The following TRIM48 variants were observed in gnomAD, a reference collection of about 807,000 sequenced individuals.
TRIM48 encodes E3 ubiquitin-protein ligase TRIM48.
Under a neutral mutation model 29.5 loss-of-function variants are expected in TRIM48, and 31 were observed. That is an observed-to-expected ratio of 1.05 (90% CI 0.79 to 1.42). TRIM48 has a LOEUF of 1.42. Ranked by LOEUF, TRIM48 falls within the 40% of genes most tolerant of loss-of-function variation. The probability of loss-of-function intolerance (pLI) is 0.00; values close to 1 mark genes in which losing one functional copy is unlikely to be tolerated. For missense variants in TRIM48, 344 were observed against 265.0 expected (o/e 1.30, Z -2.07); for synonymous variants, 128 against 90.6 (o/e 1.41, Z -2.34).
rs1857395457 is a variant in TRIM48, at chr11:55,266,533, TG to T, written c.555+839del. ...CAAAAATGGTCAACATGCAAATATG[TG>T]CAATACATGATGTGTTCGAGTGTGG... On this transcript the variant is annotated intron_variant, in intron 3 of 5. Coordinates refer to ENST00000417545, the MANE Select transcript of TRIM48 (RefSeq NM_024114.5). Among the ~76,000 whole-genome samples, 5 of 147,518 alleles carry T rather than the reference TG, an allele frequency of 3.4e-5. 1 individual carries two copies. In the Admixed American group the frequency reaches 3.4e-4, roughly 10 times the overall value.
At chr11:55,264,176 T>C (rs1420385277) in intron 1 of TRIM48, among the ~76,000 whole-genome samples, 1 of 123,326 alleles carries the variant, frequency 8.1e-6, no homozygotes, top group Non-Finnish European at 1.8e-5. Flanking sequence ...GTTCAGAGTT[T>C]GGGTATCCCT....
In TRIM48 at chr11:55,269,251, C is replaced by T. The variant is rs756648244; in HGVS notation, c.588C>T (p.Ser196=). 6.7e-5 allele frequency: 106 copies of T among 1,574,522 alleles called. 11 individuals carry two copies. Among genetic ancestry groups the T allele is most frequent in the Non-Finnish European group, 7.7e-5 (90 of 1,165,948 alleles). ...AGGTTTTTCCTTGCAGGAGTGAGTC[C>T]GTGCTGCTGCACATGCCCCAGCCTC... ...AFGDILYRSE[S]VLLHMPQPLN... The change falls in exon 5 of 6, where the codon TCC becomes TCT. Residue 196 remains serine (S), a synonymous_variant. Transcript: ENST00000417545.
chr11:55,262,274 C>G lies in TRIM48; in HGVS notation c.7C>G (p.Arg3Gly). Residue 3 changes from arginine to glycine, a missense_variant, in exon 1 of 6, where the codon CGA (arginine) becomes GGA (glycine). Physicochemically the swap from Arg to Gly is moderately radical, Grantham distance 125. Transcript: ENST00000417545. ...AGGAGTACTTAACAGAATTATGTCTCGAAGAATCATTGTGGGAACCCTTCA... is the reference window on the plus strand; with the variant it reads ...AGGAGTACTTAACAGAATTATGTCTGGAAGAATCATTGTGGGAACCCTTCA... MS[R>G]RIIVGTLQRT... 7 of 1,548,664 alleles carry G rather than the reference C, an allele frequency of 4.5e-6. No homozygotes were observed. Among genetic ancestry groups the G allele is most frequent in the Non-Finnish European group, 5.2e-6 (6 of 1,146,226 alleles).
intron 2 of TRIM48, 132 bp from the exon 3 acceptor site, chr11:55,265,468 A>G: frequency 6.7e-7 from 1 of 1,482,716 alleles, no homozygotes; most frequent in Non-Finnish European, 9.1e-7. Flanking sequence ...TTTGACGAGG[A>G]AGAAGTGAAA....
intron 1 of TRIM48, among the ~76,000 whole-genome samples, chr11:55,264,461 C>A (rs1210654333): frequency 6.7e-6 from 1 of 148,310 alleles, no homozygotes; most frequent in Non-Finnish European, 1.5e-5. Context: ...GTGTCTCTCT[C>A]TCAAAATATA....
In TRIM48 at chr11:55,268,439, C is replaced by A. The variant is rs375787566; in HGVS notation, c.578+67C>A. 4.2e-6 allele frequency: 6 copies of A among 1,416,478 alleles called. 1 individual carries two copies. In the African/African-American group the frequency reaches 7.2e-5, roughly 17 times the overall value. The allele number at this position is 1,416,478 out of a possible 1,614,324, so 87.7% of individuals were successfully genotyped here. A position where few individuals can be genotyped will look rare whatever the true frequency, so the allele number is the denominator to read the frequency against. On this transcript the variant is annotated intron_variant, in intron 4 of 5. Transcript: ENST00000417545. ...CCACGAATATCAAAGCAGGCTCTAC[C>A]AAAGTCATGGCATAAACGATTAAGA...
intron 3 of TRIM48, among the ~76,000 whole-genome samples, chr11:55,266,919 C>T (rs1293565137): frequency 1.4e-5 from 2 of 147,420 alleles, no homozygotes; most frequent in Admixed American, 6.9e-5. Flanking sequence ...TTCAGGGAGA[C>T]AAAAATGGCC....
chr11:55,269,617 G>T lies in TRIM48; in HGVS notation c.*1+278G>T, dbSNP rs187108270. On this transcript the variant is annotated intron_variant, in intron 5 of 5. Coordinates refer to ENST00000417545, the MANE Select transcript of TRIM48 (RefSeq NM_024114.5). ...TAGCAAATCTAAAAAAGGAGCAAAT[G>T]GAACAATGCTCAGAATGAAGGTGAG... Among the ~76,000 whole-genome samples the T allele has an allele frequency of 8.1e-5, 12 of 147,372 alleles. 1 individual carries two copies. The highest frequency in any genetic ancestry group is 2.8e-4 in the Admixed American group (4 of 14,504).
intron 1 of TRIM48, among the ~76,000 whole-genome samples, chr11:55,263,492 GAA>G (rs879822190): frequency 7.0e-6 from 1 of 143,736 alleles, no homozygotes; most frequent in African/African-American, 2.5e-5. Context: ...ATCTCTACTG[GAA>G]AAAAAAAAAA....
rs1348344161 is a variant in TRIM48 at position 55,269,716 on chromosome 11, G to A, written c.*1+377G>A. ...TGAACAGTTAAGAACTGTTCTTTTG[G>A]GGAATATAGTTCGCTGGAGATTCTT... On this transcript the variant is annotated intron_variant, in intron 5 of 5. Coordinates refer to ENST00000417545, the MANE Select transcript of TRIM48 (RefSeq NM_024114.5). Among the ~76,000 whole-genome samples, 5 of 147,004 alleles carry A rather than the reference G, an allele frequency of 3.4e-5. 1 individual carries two copies. Among genetic ancestry groups the A allele is most frequent in the Non-Finnish European group, 7.5e-5 (5 of 66,708 alleles).
rs1857378837 is a variant in TRIM48 at position 55,265,515 on chromosome 11, C to A, written c.460-85C>A. 2.6e-6 allele frequency: 4 copies of A among 1,512,186 alleles called. No homozygotes were observed. The Admixed American group carries it at 5.5e-5, about 21-fold the overall frequency. 93.7% of individuals were successfully genotyped at this position (1,512,186 alleles called of 1,614,324 possible). A position where few individuals can be genotyped will look rare whatever the true frequency, so the allele number is the denominator to read the frequency against. On this transcript the variant is annotated intron_variant, in intron 2 of 5. Coordinates refer to ENST00000417545, the MANE Select transcript of TRIM48 (RefSeq NM_024114.5). Reference sequence around the variant, plus strand: ...CCATTTACTAGGGACTTATTTGTCTCTCATTCTGGGCCCCCTCCCAATGAA... The same window carrying A: ...CCATTTACTAGGGACTTATTTGTCTATCATTCTGGGCCCCCTCCCAATGAA...
chr11:55,264,861 C>A (rs377754077), intron 1 of TRIM48, 39 bp from the exon 2 acceptor site: 2 of 1,582,244 alleles, frequency 1.3e-6, no homozygotes, highest in East Asian at 2.4e-5. Context: ...TTTTCATCAA[C>A]CCAGACCCCA....
At chr11:55,267,752 C>T in intron 3 of TRIM48, 2 of 1,453,698 alleles carry the variant, frequency 1.4e-6, no homozygotes, top group South Asian at 2.8e-5. Flanking sequence ...TCCAAAAACA[C>T]ATTCGCATAA....
intron 5 of TRIM48, among the ~76,000 whole-genome samples, chr11:55,269,813 A>G (rs1235315911): frequency 1.4e-5 from 2 of 147,684 alleles, no homozygotes; most frequent in Non-Finnish European, 3.0e-5. Flanking sequence ...GTAAAAATAA[A>G]AAGAAATCAT....
intron 1 of TRIM48, among the ~76,000 whole-genome samples, chr11:55,262,733 A>C (rs986096519): frequency 1.3e-5 from 2 of 152,096 alleles, no homozygotes; most frequent in African/African-American, 4.8e-5. Context: ...TGAGAGATGA[A>C]AAATAGTGAA....
Position 55,271,068 on chromosome 11 carries a change from A to G in TRIM48, c.*633A>G. On this transcript the variant is annotated 3_prime_UTR_variant, in exon 6 of 6. Transcript: ENST00000417545. ...TCTTGAATTGCATTCTAATGTTATT[A>G]AAACTCATTTATTGTGTTACTATTA... The G allele has an allele frequency of 2.5e-6, 3 of 1,219,874 alleles. No homozygotes were observed. Among genetic ancestry groups the G allele is most frequent in the Non-Finnish European group, 3.4e-6 (3 of 890,384 alleles). The allele number at this position is 1,219,874 out of a possible 1,614,324, so 75.6% of individuals were successfully genotyped here.
chr11:55,265,830 G>T, intron 3 of TRIM48, 135 bp downstream of exon 3: 1 of 1,136,546 alleles, frequency 8.8e-7, no homozygotes, highest in Non-Finnish European at 1.2e-6. Flanking sequence ...AAAACATTGA[G>T]AAAAAATGGT....
At chr11:55,265,505 T>A (rs1255580883) in intron 2 of TRIM48, 95 bp from the exon 3 acceptor site, 1 of 1,494,896 alleles carries the variant, frequency 6.7e-7, no homozygotes, top group Non-Finnish European at 9.1e-7. Context: ...TACTAGGGAC[T>A]TATTTGTCTC....
intron 5 of TRIM48, 34 bp from the exon 6 acceptor site, chr11:55,270,403 T>C (rs182725747): frequency 3.5e-6 from 5 of 1,411,538 alleles, no homozygotes; most frequent in Non-Finnish European, 4.8e-6. Flanking sequence ...TCTTTCTTTC[T>C]TTCTTTCTAT....
Sources: allele counts gnomAD v4.1 joint callset (sites outside exome capture counted in the v4.1 genomes callset), GRCh38; gene constraint gnomAD v4.1.1; transcripts MANE v1.5; gene names NCBI Gene and HGNC (gene_info 2026-07-23, HGNC 2026-07-21).